The following TCTN1 variants were observed in gnomAD, a reference collection of about 807,000 sequenced individuals.
TCTN1 encodes tectonic-1.
In TCTN1, 58 loss-of-function variants were observed where a neutral mutation model predicts 65.8. The ratio of observed to expected loss-of-function variants is 0.88; its 90% CI spans 0.71 to 1.10. TCTN1 has a LOEUF of 1.10. TCTN1 is among the 50% of genes least tolerant of loss of function. The pLI is 0.00. For missense variants in TCTN1, 645 were observed against 719.4 expected (o/e 0.90, Z 1.18); for synonymous variants, 273 against 289.1 (o/e 0.94, Z 0.57).
At chr12:110,628,639 C>G (rs757741012) in intron 3 of TCTN1, 128 bp from the exon 4 acceptor site, 5 of 884,724 alleles carry the variant, frequency 5.7e-6, no homozygotes, top group Non-Finnish European at 8.6e-6. Context: ...ATGCGCCCAG[C>G]CAAGACACTA....
chr12:110,628,340 A>AAT, intron 3 of TCTN1: 1 of 1,045,106 alleles, frequency 9.6e-7, no homozygotes, highest in Non-Finnish European at 1.3e-6. Context: ...GGAAAAATAC[A>AAT]CTTTTTTTTT....
At chr12:110,645,958 T>C (rs1450330905) in intron 12 of TCTN1, 1 of 152,036 alleles carries the variant, frequency 6.6e-6, no homozygotes, top group Non-Finnish European at 1.5e-5. Context: ...TCCCTGCCGT[T>C]CCACTGCGAA....
intron 1 of TCTN1, among the ~76,000 whole-genome samples, chr12:110,615,670 G>A (rs1453255603): frequency 1.3e-5 from 2 of 152,058 alleles, no homozygotes; most frequent in African/African-American, 4.8e-5. Flanking sequence ...TTTTAGTAGA[G>A]ATGAGATCTC....
At chr12:110,628,718 A>T (rs372822928) in intron 3 of TCTN1, 49 bp from the exon 4 acceptor site, 99 of 1,461,632 alleles carry the variant, frequency 6.8e-5, no homozygotes, top group East Asian at 4.6e-4. Flanking sequence ...CATACATATT[A>T]TACATATATT....
intron 2 of TCTN1, among the ~76,000 whole-genome samples, chr12:110,622,927 A>G (rs2065543691): frequency 6.6e-6 from 1 of 152,200 alleles, no homozygotes; most frequent in African/African-American, 2.4e-5. Flanking sequence ...ATCCTCCCCA[A>G]AAGCTGTGAC....
At position 110,619,878 on chromosome 12, in the gene TCTN1, A is replaced by G; in HGVS notation, c.263A>G (p.Asp88Gly). ...CVCDLSPAQC[D>G]INCCCDPDCS... ...TGTGACTTATCCCCAGCACAGTGTG[A>G]CATCAACTGCTGCTGTGATCCCGAC... The change falls in exon 2 of 15, where the codon GAC (aspartate) becomes GGC (glycine). Residue 88 changes from aspartate to glycine, a missense_variant. By Grantham distance (94) the Asp-to-Gly change is moderately conservative. Coordinates refer to ENST00000397659, the MANE Select transcript of TCTN1 (RefSeq NM_001082538.3). 6.2e-7 allele frequency: 1 copy of G among 1,614,116 alleles called. No individual in the cohort carries two copies.
At chr12:110,614,522 C>A in intron 1 of TCTN1, 120 bp downstream of exon 1, 1 of 1,520,288 alleles carries the variant, frequency 6.6e-7, no homozygotes, top group Non-Finnish European at 8.8e-7. Context: ...GCAGACACTG[C>A]TGAGTGTTCC....
chr12:110,620,006 A>G lies in TCTN1; in HGVS notation c.341+50A>G, dbSNP rs918422870. On this transcript the variant is annotated intron_variant, in intron 2 of 14. Coordinates refer to ENST00000397659, the MANE Select transcript of TCTN1 (RefSeq NM_001082538.3). ...ATTTTGAAAAAATTTGACCAGGATA[A>G]TACAATTTGGAGAAAGGGAAAACTT... 3.1e-6 allele frequency: 5 copies of G among 1,613,730 alleles called. No homozygotes were observed. In the African/African-American group the frequency reaches 6.7e-5, roughly 22 times the overall value.
rs201488724 is a variant in TCTN1, at chr12:110,619,966, C to G, written c.341+10C>G. On this transcript the variant is annotated intron_variant, in intron 2 of 14. Coordinates refer to ENST00000397659, the MANE Select transcript of TCTN1 (RefSeq NM_001082538.3). ...CAGTTCCAGTTGTCACGTAAGTTTA[C>G]GTATGACACATGCAATTTTGAAAAA... is the stretch of plus-strand genomic sequence containing the variant. 6.2e-7 allele frequency: 1 copy of G among 1,613,954 alleles called. No individual in the cohort carries two copies. The highest frequency in any genetic ancestry group is 1.1e-5 in the South Asian group (1 of 91,092).
intron 1 of TCTN1, among the ~76,000 whole-genome samples, chr12:110,617,473 G>T (rs949273311): frequency 6.6e-6 from 1 of 151,518 alleles, no homozygotes; most frequent in African/African-American, 2.4e-5. Context: ...ACAGCCGCGC[G>T]CCACCATGCC....
rs74451397 is a variant in TCTN1 at position 110,640,598 on chromosome 12, C to A, written c.978+81C>A. ...TGCGCCGGGGTAACTGGACGCCCTCCGAGGACGCTCTGTCCCAGCCCATGG... is the reference window on the plus strand; with the variant it reads ...TGCGCCGGGGTAACTGGACGCCCTCAGAGGACGCTCTGTCCCAGCCCATGG... On this transcript the variant is annotated intron_variant, in intron 8 of 14. Coordinates refer to ENST00000397659, the MANE Select transcript of TCTN1 (RefSeq NM_001082538.3). The surrounding 1 kb of genome is among the most constrained non-coding windows in gnomAD (Gnocchi z 4.9). 6,665 of 1,598,300 alleles carry A rather than the reference C, an allele frequency of 4.2e-3. 255 individuals are homozygous for A. The African/African-American group carries it at 0.079, about 19-fold the overall frequency.
intron 3 of TCTN1, among the ~76,000 whole-genome samples, chr12:110,627,026 C>G (rs2065898288): frequency 6.6e-6 from 1 of 151,474 alleles, no homozygotes; most frequent in Non-Finnish European, 1.5e-5. Context: ...CCTGCCTTGG[C>G]CTCCCAACGT....
In TCTN1 at chr12:110,634,689, T is replaced by A; in HGVS notation, c.732T>A (p.Ala244=). Residue 244 remains alanine, a synonymous_variant, in exon 6 of 15, where the codon GCT becomes GCA. Coordinates refer to ENST00000397659, the MANE Select transcript of TCTN1 (RefSeq NM_001082538.3). The part of the protein sequence containing the change: ...NNPAAFLVNQ[A]VKCTRKINLE... Reference sequence around the variant, plus strand: ...TTCTAGCGTTTCTGGTGAACCAGGCTGTTAAGTGCACCAGAAAAATAAATT... The same window carrying A: ...TTCTAGCGTTTCTGGTGAACCAGGCAGTTAAGTGCACCAGAAAAATAAATT... 4 of 1,610,380 alleles carry A rather than the reference T, an allele frequency of 2.5e-6. No homozygotes were observed. The highest frequency in any genetic ancestry group is 3.4e-6 in the Non-Finnish European group (4 of 1,178,048).
In TCTN1 at chr12:110,639,980, G is replaced by A. The variant is rs1266391588; in HGVS notation, c.844-403G>A. ...CATGTTTTTAAGATTCATCTGTACTGTGGCATGTATTAGTACTATTTTTAG... is the reference window on the plus strand; with the variant it reads ...CATGTTTTTAAGATTCATCTGTACTATGGCATGTATTAGTACTATTTTTAG... On this transcript the variant is annotated intron_variant, in intron 7 of 14. Coordinates refer to ENST00000397659, the MANE Select transcript of TCTN1 (RefSeq NM_001082538.3). This position sits in a 1 kb window ranked among gnomAD's most constrained non-coding sequence, Gnocchi z 4.9. Among the ~76,000 whole-genome samples the A allele has an allele frequency of 6.6e-6, 1 of 152,170 alleles. No homozygotes were observed. Among genetic ancestry groups the A allele is most frequent in the African/African-American group, 2.4e-5 (1 of 41,432 alleles).
chr12:110,647,485 AC>A (rs2067410499), intron 13 of TCTN1, 149 bp downstream of exon 13: 2 of 1,141,164 alleles, frequency 1.8e-6, no homozygotes, highest in African/African-American at 3.1e-5. Context: ...TCTTAGAAAC[AC>A]TGACGATGGT....
chr12:110,644,694 C>A lies in TCTN1; in HGVS notation c.1332-273C>A, dbSNP rs1415012388. On this transcript the variant is annotated intron_variant, in intron 11 of 14. Coordinates refer to ENST00000397659, the MANE Select transcript of TCTN1 (RefSeq NM_001082538.3). This position sits in a 1 kb window ranked among gnomAD's most constrained non-coding sequence, Gnocchi z 4.6. ...TCCATCTCAAAACAAAACAAAAAAA[C>A]CAAAAATCAAAACTTAAAAAACAAA... 14 of 457,342 alleles carry A rather than the reference C, an allele frequency of 3.1e-5. No individual in the cohort carries two copies. The highest frequency in any genetic ancestry group is 9.0e-5 in the East Asian group (2 of 22,124). 28.3% of individuals were successfully genotyped at this position (457,342 alleles called of 1,614,324 possible). A position where few individuals can be genotyped will look rare whatever the true frequency, so the allele number is the denominator to read the frequency against.
intron 2 of TCTN1, among the ~76,000 whole-genome samples, chr12:110,622,721 G>C (rs2065528413): frequency 6.6e-6 from 1 of 152,040 alleles, no homozygotes; most frequent in East Asian, 1.9e-4. Context: ...CAGGGGTCAG[G>C]TCCCCAGGGG....
chr12:110,634,597 G>C, intron 5 of TCTN1, 73 bp from the exon 6 acceptor site: 1 of 1,194,754 alleles, frequency 8.4e-7, no homozygotes, highest in African/African-American at 1.5e-5. Context: ...AAACTTTTTA[G>C]TTGCCATTGG....
chr12:110,642,326 C>T lies in TCTN1; in HGVS notation c.1268C>T (p.Ala423Val), dbSNP rs1202335733. ...LHSTTEQDCL[A>V]LEGVRTPVLF... ...AGCACAACTGAGCAAGACTGCTTAG[C>T]ACTGGAGGGGGTCCGGACCCCAGTA... The change falls in exon 11 of 15, where the codon GCA becomes GTA. Residue 423 changes from alanine to valine, a missense_variant. Transcript: ENST00000397659. 1 of 1,614,188 alleles carries T rather than the reference C, an allele frequency of 6.2e-7. No individual in the cohort carries two copies.
Sources: gnomAD v4.1 joint callset for allele counts (sites outside exome capture counted in the v4.1 genomes callset) on GRCh38, gnomAD v4.1.1 for gene constraint, Gnocchi (gnomAD v3.1) non-coding constraint, MANE v1.5 for transcripts, NCBI Gene and HGNC (gene_info 2026-07-23, HGNC 2026-07-21) for gene names.